The following PHIP variants were observed in gnomAD, a reference collection of about 807,000 sequenced individuals.
The protein encoded by PHIP is PH-interacting protein.
A neutral mutation model predicts 236.8 loss-of-function variants in PHIP; 54 were observed. The ratio of observed to expected loss-of-function variants is 0.23; its 90% CI spans 0.18 to 0.29. The LOEUF is 0.29. Ranked by LOEUF, PHIP falls within the 10% of genes least tolerant of loss-of-function variation. PHIP has a pLI of 1.00. For synonymous variants in PHIP, 756 were observed against 718.9 expected, an observed-to-expected ratio of 1.05 and a Z score of -0.83; for missense variants, 1,370 against 2,190.8, an observed-to-expected ratio of 0.63 and a Z score of 7.48.
intron 39 of PHIP, among the ~76,000 whole-genome samples, chr6:78,941,818 A>G (rs1484996264): frequency 6.6e-6 from 1 of 152,194 alleles, no homozygotes; most frequent in Non-Finnish European, 1.5e-5. Context: ...CAAAATCACT[A>G]TGTGTGCCAC....
At chr6:78,953,314 A>G (rs1166257243) in intron 35 of PHIP, among the ~76,000 whole-genome samples, 3 of 152,190 alleles carry the variant, frequency 2.0e-5, no homozygotes, top group Non-Finnish European at 4.4e-5. Flanking sequence ...ACCACTGCCC[A>G]AGGACTCAAT....
At chr6:78,989,660 T>C (rs112856567) in intron 20 of PHIP, among the ~76,000 whole-genome samples, 145 of 152,312 alleles carry the variant, frequency 9.5e-4, no homozygotes, top group Non-Finnish European at 1.8e-3. Flanking sequence ...TGTATACATA[T>C]ACATATCATT....
At chr6:79,077,605 C>A (rs1472862320) in intron 3 of PHIP, 95 bp downstream of exon 3, 4 of 882,956 alleles carry the variant, frequency 4.5e-6, no homozygotes, top group Non-Finnish European at 5.4e-6. Flanking sequence ...CCCCGAGCCC[C>A]GCGCCCCGCG....
At position 78,946,254 on chromosome 6, in the gene PHIP, T is replaced by C. The variant is rs1359913198; in HGVS notation, c.4377A>G (p.Glu1459=). ...GGGGTTTTAAGATCCTTTTTTTCCT[T>C]TCAGGGCTGTAAATAAAATAGTATT... is the stretch of plus-strand genomic sequence containing the variant. ...SVSSSAASSP[E]RKKRILKPQL... The change falls in exon 38 of 40, where the codon GAA becomes GAG. Residue 1459 remains glutamate (E), a synonymous_variant. Coordinates refer to ENST00000275034, the MANE Select transcript of PHIP (RefSeq NM_017934.7). The C allele has an allele frequency of 3.1e-6, 5 of 1,612,260 alleles. No homozygotes were observed. Among genetic ancestry groups the C allele is most frequent in the Non-Finnish European group, 4.2e-6 (5 of 1,178,980 alleles).
rs185083230 is a variant in PHIP at position 78,943,061 on chromosome 6, C to T, written c.4829-1731G>A. 6.4e-4 allele frequency among the ~76,000 whole-genome samples: 97 copies of T among 152,174 alleles called. 1 individual carries two copies. The South Asian group carries it at 8.1e-3, about 13-fold the overall frequency. ...TCAATTTAAATACCAAAGCAGTATA[C>T]ATTTTAAAATACTGATTAAATACTG... On this transcript the variant is annotated intron_variant, in intron 39 of 39. Transcript: ENST00000275034.
Position 78,978,636 on chromosome 6 carries a change from T to C in PHIP, c.2845A>G (p.Thr949Ala), listed in dbSNP as rs200004724. The change falls in exon 24 of 40, where the codon ACC (threonine) becomes GCC (alanine). Residue 949 changes from threonine (T) to alanine (A), a missense_variant. Physicochemically the swap from Thr to Ala is moderately conservative, Grantham distance 58. Around this residue, in one of 14 missense-constraint regions of PHIP, gnomAD observed 238 missense variants for 398.5 expected, o/e 0.60. Transcript: ENST00000275034. ...EWLPSTWITDTIPRRCPFVPQ... is the reference protein window; with the variant it reads ...EWLPSTWITDAIPRRCPFVPQ... ...ACAAATGGACATCTTCGGGGAATGG[T>C]ATCTGTAATCCATGTTGATGGCAAC... is the stretch of plus-strand genomic sequence containing the variant. 54 of 1,594,862 alleles carry C rather than the reference T, an allele frequency of 3.4e-5. No homozygotes were observed. Among genetic ancestry groups the C allele is most frequent in the Non-Finnish European group, 3.7e-5 (43 of 1,166,682 alleles).
intron 7 of PHIP, among the ~76,000 whole-genome samples, chr6:79,033,154 T>C (rs1276789389): frequency 6.6e-6 from 1 of 152,052 alleles, no homozygotes; most frequent in Non-Finnish European, 1.5e-5. Context: ...CCAGACTTTG[T>C]AGTTCCCTTT....
chr6:78,939,700 T>C lies in PHIP; in HGVS notation c.*993A>G, dbSNP rs978735053. 21 of 151,986 alleles carry C rather than the reference T, an allele frequency of 1.4e-4. No individual in the cohort carries two copies. Among genetic ancestry groups the C allele is most frequent in the African/African-American group, 2.4e-5 (1 of 41,442 alleles). The allele number at this position is 151,986 out of a possible 1,614,324, so 9.4% of individuals were successfully genotyped here. On this transcript the variant is annotated 3_prime_UTR_variant, in exon 40 of 40. Coordinates refer to ENST00000275034, the MANE Select transcript of PHIP (RefSeq NM_017934.7). ...ATATGTCTAAAGTTTAGAAATGACA[T>C]TAATCCAGATCAACAAGTAAACATC... is the stretch of plus-strand genomic sequence containing the variant.
chr6:79,020,111 C>T (rs1255687212), intron 9 of PHIP, among the ~76,000 whole-genome samples: 2 of 151,850 alleles, frequency 1.3e-5, no homozygotes, highest in East Asian at 1.9e-4. Flanking sequence ...AAAGTATATA[C>T]ATAAAATATT....
At position 78,961,366 on chromosome 6, in the gene PHIP, C is replaced by T. The variant is rs545714632; in HGVS notation, c.3656+324G>A. On this transcript the variant is annotated intron_variant, in intron 31 of 39. Transcript: ENST00000275034. ...TGTTATCTAGGAGAAAATGAAATAC[C>T]TTGCCTTGCTTTATAAAATACAATA... Among the ~76,000 whole-genome samples the T allele has an allele frequency of 4.0e-5, 6 of 151,786 alleles. No homozygotes were observed. In the East Asian group the frequency reaches 9.7e-4, roughly 24 times the overall value.
chr6:78,998,578 T>A (rs890323836), intron 17 of PHIP, among the ~76,000 whole-genome samples, 187 bp from the exon 18 acceptor site: 1 of 152,088 alleles, frequency 6.6e-6, no homozygotes, highest in Non-Finnish European at 1.5e-5. Flanking sequence ...TCTTAGTTTA[T>A]CAAAAATAAC....
At chr6:78,955,470 T>C (rs1413232815) in intron 33 of PHIP, 143 bp downstream of exon 33, 6 of 552,922 alleles carry the variant, frequency 1.1e-5, no homozygotes, top group Non-Finnish European at 1.9e-5. Flanking sequence ...AAGAATATTC[T>C]ACTGCCAGTT....
At chr6:78,997,276 C>T (rs528996682) in intron 19 of PHIP, 138 bp downstream of exon 19, 4 of 538,464 alleles carry the variant, frequency 7.4e-6, no homozygotes, top group Non-Finnish European at 1.3e-5. Flanking sequence ...AATTTTTCTA[C>T]AGTCATGAAT....
At chr6:78,971,038 G>A in intron 24 of PHIP, 150 bp from the exon 25 acceptor site, 1 of 593,152 alleles carries the variant, frequency 1.7e-6, no homozygotes, top group South Asian at 2.2e-5. Flanking sequence ...CTCTCAAGTT[G>A]TCTTAACATC....
chr6:78,965,413 C>G (rs1392912011), intron 29 of PHIP, among the ~76,000 whole-genome samples: 1 of 152,190 alleles, frequency 6.6e-6, no homozygotes, highest in Admixed American at 6.5e-5. Flanking sequence ...ACAAAAGTGT[C>G]TCTGCCTCCC....
At chr6:78,970,025 A>G (rs780609097) in intron 26 of PHIP, 24 bp downstream of exon 26, 1 of 1,610,382 alleles carries the variant, frequency 6.2e-7, no homozygotes, top group Admixed American at 1.7e-5. Flanking sequence ...TAAGAAAACC[A>G]TTGCCTCTTT....
chr6:78,936,565 T>C lies in PHIP; in HGVS notation c.*4128A>G, dbSNP rs1773277725. On this transcript the variant is annotated 3_prime_UTR_variant, in exon 40 of 40. Transcript: ENST00000275034. ...GAATTGTAGAAACTCAGCCATGCACTAAGTATTTGGTCTGTGCCATAAGGT... is the reference window on the plus strand; with the variant it reads ...GAATTGTAGAAACTCAGCCATGCACCAAGTATTTGGTCTGTGCCATAAGGT... 1 of 151,922 alleles carries C rather than the reference T, an allele frequency of 6.6e-6. No homozygotes were observed. Among genetic ancestry groups the C allele is most frequent in the African/African-American group, 2.4e-5 (1 of 41,448 alleles). The allele number at this position is 151,922 out of a possible 1,614,324, so 9.4% of individuals were successfully genotyped here.
chr6:79,045,472 A>G (rs1772439642), intron 6 of PHIP, among the ~76,000 whole-genome samples: 1 of 152,174 alleles, frequency 6.6e-6, no homozygotes. Flanking sequence ...TAAGTACCTT[A>G]AAGACAAAAA....
At chr6:78,948,962 G>A (rs955060264) in intron 35 of PHIP, among the ~76,000 whole-genome samples, 3 of 152,140 alleles carry the variant, frequency 2.0e-5, no homozygotes, top group Non-Finnish European at 2.9e-5. Flanking sequence ...CTTTCCAATA[G>A]TTATGCCTTT....
Sources: allele counts gnomAD v4.1 joint callset (sites outside exome capture counted in the v4.1 genomes callset), GRCh38; gene constraint gnomAD v4.1.1; regional missense constraint gnomAD v4.1.1; transcripts MANE v1.5; gene names NCBI Gene and HGNC (gene_info 2026-07-23, HGNC 2026-07-21).